REL: variants seen among roughly 807,000 people sequenced by gnomAD.
The protein encoded by REL is REL proto-oncogene, NF-kB subunit.
Under a neutral mutation model 45.9 loss-of-function variants are expected in REL, and 15 were observed. The observed-to-expected ratio is 0.33, with a 90% CI of 0.22 to 0.50. The LOEUF is 0.50. Among genes scored for constraint, REL ranks in the 20% least tolerant of loss-of-function variants. REL has a pLI of 0.98. For synonymous variants in REL, 239 were observed against 242.1 expected (o/e 0.99, Z 0.12); for missense variants, 601 against 715.2 (o/e 0.84, Z 1.82).
chr2:60,900,842 C>T, intron 3 of REL, 150 bp from the exon 4 acceptor site: 1 of 683,572 alleles, frequency 1.5e-6, no homozygotes, highest in Non-Finnish European at 2.4e-6. Context: ...ACTTCTTACT[C>T]TCTCATCTTT....
At chr2:60,912,317 C>A (rs1439501037) in intron 4 of REL, among the ~76,000 whole-genome samples, 6 of 152,088 alleles carry the variant, frequency 3.9e-5, no homozygotes, top group African/African-American at 1.4e-4. Flanking sequence ...ATGTATAGCT[C>A]AGATTTATTT....
intron 7 of REL, among the ~76,000 whole-genome samples, chr2:60,919,587 G>A (rs912177298): frequency 1.3e-5 from 2 of 151,826 alleles, no homozygotes; most frequent in South Asian, 2.1e-4. Context: ...CACCACACCC[G>A]ACTCATTTTG....
At position 60,921,985 on chromosome 2, in the gene REL, C is replaced by T. The variant is rs1222963463; in HGVS notation, c.1214C>T (p.Pro405Leu). The T allele has an allele frequency of 6.2e-7, 1 of 1,614,164 alleles. No individual in the cohort carries two copies. Among genetic ancestry groups the T allele is most frequent in the Non-Finnish European group, 8.5e-7 (1 of 1,180,036 alleles). ...AGTAGTTTTTCAACAAGGACACTTC[C>T]TTCTAATTCGCAAGGTATCCCACCA... ...PLSSFSTRTL[P>L]SNSQGIPPFL... Residue 405 changes from proline to leucine, a missense_variant, in exon 10 of 10, where the codon CCT becomes CTT. Pro to Leu is a moderately conservative substitution (Grantham distance 98, BLOSUM62 -3). Around this residue, in one of 4 missense-constraint regions of REL, gnomAD observed 334 missense variants for 333.1 expected, o/e 1.00. Coordinates refer to ENST00000394479, the MANE Select transcript of REL (RefSeq NM_001291746.2).
intron 1 of REL, among the ~76,000 whole-genome samples, chr2:60,883,108 A>C (rs1448787354): frequency 6.6e-6 from 1 of 152,154 alleles, no homozygotes; most frequent in Non-Finnish European, 1.5e-5. Flanking sequence ...CAGCGTGAGC[A>C]AAGGCAGGGA....
intron 1 of REL, 55 bp from the exon 2 acceptor site, chr2:60,891,628 A>G: frequency 2.2e-6 from 3 of 1,367,644 alleles, no homozygotes; most frequent in Non-Finnish European, 2.9e-6. Flanking sequence ...GTTAAAATCC[A>G]TTATTAATTG....
rs982397872 is a variant in REL, at chr2:60,910,793, A to G, written c.395-6084A>G. Reference sequence around the variant, plus strand: ...CTAAAAATACAAAACTTAGCCAGGCATGGTGGTGCATGCCTGTAATCCTAG... The same window carrying G: ...CTAAAAATACAAAACTTAGCCAGGCGTGGTGGTGCATGCCTGTAATCCTAG... On this transcript the variant is annotated intron_variant, in intron 4 of 9. Coordinates refer to ENST00000394479, the MANE Select transcript of REL (RefSeq NM_001291746.2). Among the ~76,000 whole-genome samples, 15 of 152,122 alleles carry G rather than the reference A, an allele frequency of 9.9e-5. No individual in the cohort carries two copies. In the East Asian group the frequency reaches 2.5e-3, roughly 26 times the overall value.
chr2:60,906,407 A>G (rs1673652213), intron 4 of REL, among the ~76,000 whole-genome samples: 1 of 152,192 alleles, frequency 6.6e-6, no homozygotes, highest in South Asian at 2.1e-4. Context: ...CCCAAGCTAC[A>G]ATTTGAAAAT....
intron 1 of REL, among the ~76,000 whole-genome samples, chr2:60,887,118 A>C (rs901173427): frequency 1.3e-5 from 2 of 152,214 alleles, no homozygotes; most frequent in Non-Finnish European, 2.9e-5. Context: ...ACTACATTTC[A>C]ACACATTTTA....
At position 60,922,825 on chromosome 2, in the gene REL, C is replaced by T; in HGVS notation, c.*290C>T. 4 of 721,258 alleles carry T rather than the reference C, an allele frequency of 5.5e-6. No homozygotes were observed. The highest frequency in any genetic ancestry group is 6.9e-6 in the Non-Finnish European group (4 of 575,962). The allele number at this position is 721,258 out of a possible 1,614,324, so 44.7% of individuals were successfully genotyped here. A position where few individuals can be genotyped will look rare whatever the true frequency, so the allele number is the denominator to read the frequency against. Reference sequence around the variant, plus strand: ...TTGGGAGGCCAAGGCGGGTGGATCACTTGAGACCAGGAATTCGAGACCAGC... The same window carrying T: ...TTGGGAGGCCAAGGCGGGTGGATCATTTGAGACCAGGAATTCGAGACCAGC... On this transcript the variant is annotated 3_prime_UTR_variant, in exon 10 of 10. Transcript: ENST00000394479.
At chr2:60,905,990 T>C (rs1158456513) in intron 4 of REL, among the ~76,000 whole-genome samples, 2 of 152,186 alleles carry the variant, frequency 1.3e-5, no homozygotes, top group Non-Finnish European at 2.9e-5. Flanking sequence ...AGAAGTTTAA[T>C]TGGACTTACA....
Position 60,920,089 on chromosome 2 carries a change from A to G in REL, c.902A>G (p.Gln301Arg). 6.2e-7 allele frequency: 1 copy of G among 1,611,550 alleles called. No homozygotes were observed. The highest frequency in any genetic ancestry group is 8.5e-7 in the Non-Finnish European group (1 of 1,178,216). The change falls in exon 8 of 10, where the codon CAG becomes CGG. Residue 301 changes from glutamine to arginine, a missense_variant. Gln to Arg is a conservative substitution (Grantham distance 43, BLOSUM62 1). Coordinates refer to ENST00000394479, the MANE Select transcript of REL (RefSeq NM_001291746.2). ...AAACAAAAGACAACTCTGCTTTTCC[A>G]GAAACTGTGCCAGGATCACGGTAAG... ...AKKQKTTLLF[Q>R]KLCQDHVNFP...
intron 4 of REL, among the ~76,000 whole-genome samples, chr2:60,910,410 A>C (rs548304357): frequency 6.6e-6 from 1 of 150,848 alleles, no homozygotes; most frequent in East Asian, 2.0e-4. Flanking sequence ...GCTTGCAGGG[A>C]GCCAAGCTCA....
rs75771567 is a variant in REL, at chr2:60,926,096, T to G, written c.*3561T>G. 3.0e-5 allele frequency: 7 copies of G among 231,520 alleles called. No homozygotes were observed. Among genetic ancestry groups the G allele is most frequent in the Non-Finnish European group, 5.1e-5 (6 of 116,696 alleles). 14.3% of individuals were successfully genotyped at this position (231,520 alleles called of 1,614,324 possible). A position where few individuals can be genotyped will look rare whatever the true frequency, so the allele number is the denominator to read the frequency against. On this transcript the variant is annotated 3_prime_UTR_variant, in exon 10 of 10. Transcript: ENST00000394479. ...GCTCTTTTAACACCTGCTTTTAGTATCTGAGGCACTTTTTCTGAACTCTAC... is the reference window on the plus strand; with the variant it reads ...GCTCTTTTAACACCTGCTTTTAGTAGCTGAGGCACTTTTTCTGAACTCTAC...
chr2:60,892,912 G>A (rs921346061), intron 2 of REL, among the ~76,000 whole-genome samples: 2 of 151,626 alleles, frequency 1.3e-5, no homozygotes, highest in African/African-American at 2.4e-5. Flanking sequence ...CCCCTACCAC[G>A]CCCAGCTAAT....
rs1271349066 is a variant in REL at position 60,881,804 on chromosome 2, T to C, written c.-37T>C. ...CTGCGGCCGCCTCCGGCCAGGACGC[T>C]GGGAGCTGCCTGCGGGAAGGTGCGG... is the stretch of plus-strand genomic sequence containing the variant. On this transcript the variant is annotated 5_prime_UTR_variant, in exon 1 of 10. Transcript: ENST00000394479. 1 of 1,527,676 alleles carries C rather than the reference T, an allele frequency of 6.5e-7. No homozygotes were observed. Among genetic ancestry groups the C allele is most frequent in the East Asian group, 2.6e-5 (1 of 38,238 alleles). The allele number at this position is 1,527,676 out of a possible 1,614,324, so 94.6% of individuals were successfully genotyped here.
At chr2:60,901,946 G>A (rs1252121284) in intron 4 of REL, among the ~76,000 whole-genome samples, 1 of 152,076 alleles carries the variant, frequency 6.6e-6, no homozygotes, top group Non-Finnish European at 1.5e-5. Context: ...CATGCTGTAA[G>A]TATAAATGCT....
intron 1 of REL, among the ~76,000 whole-genome samples, chr2:60,889,166 C>G (rs1673143910): frequency 6.6e-6 from 1 of 152,226 alleles, no homozygotes; most frequent in Non-Finnish European, 1.5e-5. Flanking sequence ...AAACCCTCCT[C>G]TGTGGACACA....
At chr2:60,917,679 ACTG>A (rs1275273473) in intron 5 of REL, among the ~76,000 whole-genome samples, 1 of 116,574 alleles carries the variant, frequency 8.6e-6, no homozygotes, top group East Asian at 2.3e-4. Flanking sequence ...CCCCCAAAAT[ACTG>A]TGTGTGTGTG....
At chr2:60,891,642 T>C (rs957727820) in intron 1 of REL, 41 bp from the exon 2 acceptor site, 10 of 1,484,924 alleles carry the variant, frequency 6.7e-6, no homozygotes, top group Non-Finnish European at 9.1e-6. Context: ...TTAATTGCTA[T>C]ATTAATCTCA....
Sources: gnomAD v4.1 joint callset for allele counts (sites outside exome capture counted in the v4.1 genomes callset) on GRCh38, gnomAD v4.1.1 for gene constraint, gnomAD v4.1.1 regional missense constraint, MANE v1.5 for transcripts, NCBI Gene and HGNC (gene_info 2026-07-23, HGNC 2026-07-21) for gene names.